Variants in TDRD1 observed in about 807,000 individuals in gnomAD.
The protein encoded by TDRD1 is tudor domain containing 1.
Under a neutral mutation model 140.6 loss-of-function variants are expected in TDRD1, and 37 were observed. The ratio of observed to expected loss-of-function variants is 0.26; its 90% CI spans 0.20 to 0.35. The LOEUF is 0.35. TDRD1 is among the 10% of genes least tolerant of loss of function. The pLI is 1.00. For missense variants in TDRD1, 1,243 were observed against 1,393.0 expected (o/e 0.89, Z 1.71); for synonymous variants, 506 against 475.7 (o/e 1.06, Z -0.83).
At position 114,197,661 on chromosome 10, in the gene TDRD1, C is replaced by CTT. The variant is rs58887319; in HGVS notation, c.385-1497_385-1496dup. ...CTGGGATATCTTGGGTATTATGAGA[C>CTT]TTTTTTTTTTTTTTTTGATTGAGTC... is the stretch of plus-strand genomic sequence containing the variant. On this transcript the variant is annotated intron_variant, in intron 3 of 25. Transcript: ENST00000251864. Among the ~76,000 whole-genome samples the CTT allele has an allele frequency of 5.2e-5, 7 of 134,188 alleles. No individual in the cohort carries two copies. The East Asian group carries it at 1.3e-3, about 25-fold the overall frequency. 88.0% of individuals were successfully genotyped at this position (134,188 alleles called of 152,430 possible).
intron 11 of TDRD1, among the ~76,000 whole-genome samples, chr10:114,210,257 C>T (rs187390437): frequency 1.3e-3 from 198 of 152,218 alleles, no homozygotes; most frequent in African/African-American, 4.6e-3. Flanking sequence ...TATAATGAGA[C>T]GATATCTATT....
chr10:114,217,573 G>A, exon 17 of TDRD1: 1 of 1,597,748 alleles, frequency 6.3e-7, no homozygotes. Context: ...ATTTGAACAA[G>A]TCATTAGCAG....
intron 16 of TDRD1, among the ~76,000 whole-genome samples, chr10:114,215,593 T>C (rs1177089041): frequency 1.3e-5 from 2 of 152,096 alleles, no homozygotes; most frequent in African/African-American, 4.8e-5. Flanking sequence ...CAAATATTGG[T>C]TTTTCTTTGT....
At chr10:114,217,288 T>C (rs1192489591) in intron 16 of TDRD1, among the ~76,000 whole-genome samples, 1 of 152,188 alleles carries the variant, frequency 6.6e-6, no homozygotes, top group East Asian at 1.9e-4. Flanking sequence ...CATGCTTTAG[T>C]GTACTGATAA....
exon 4 of TDRD1, chr10:114,199,217 C>T: frequency 1.2e-6 from 2 of 1,613,952 alleles, no homozygotes; most frequent in Non-Finnish European, 1.7e-6. Flanking sequence ...AAAAACTAAA[C>T]AAGTTGGTCG....
chr10:114,188,305 G>A (rs2033693845), intron 2 of TDRD1, 149 bp downstream of exon 2: 2 of 727,382 alleles, frequency 2.7e-6, no homozygotes, highest in Non-Finnish European at 2.1e-6. Context: ...AATTTAGAAG[G>A]AAAAACCAGA....
chr10:114,191,003 C>T, exon 3 of TDRD1: 1 of 1,613,752 alleles, frequency 6.2e-7, no homozygotes, highest in Non-Finnish European at 8.5e-7. Context: ...AATTCACCAC[C>T]CAAAGAAGTG....
Position 114,186,099 on chromosome 10 carries a change from G to A in TDRD1, c.-6-1727G>A, listed in dbSNP as rs199669654. On this transcript the variant is annotated intron_variant, in intron 1 of 25. Transcript: ENST00000251864. The stretch of plus-strand genomic sequence containing the variant: ...ATCTTACTTGATGTTTTCTGTACTT[G>A]AATTTTTTTTTCTGTTGAATTAAGA... Among the ~76,000 whole-genome samples the A allele has an allele frequency of 1.3e-3, 200 of 152,056 alleles. 1 individual carries two copies. The highest frequency in any genetic ancestry group is 2.1e-3 in the Non-Finnish European group (144 of 67,964).
At chr10:114,206,024 G>A (rs1367968154) in intron 10 of TDRD1, among the ~76,000 whole-genome samples, 1 of 152,114 alleles carries the variant, frequency 6.6e-6, no homozygotes, top group African/African-American at 2.4e-5. Flanking sequence ...TTGTATTTCA[G>A]AGAAAAAATT....
upstream of TDRD1, among the ~76,000 whole-genome samples, chr10:114,178,475 G>C (rs1041425660): frequency 6.6e-6 from 1 of 152,144 alleles, no homozygotes; most frequent in African/African-American, 2.4e-5. Context: ...AATCTTGTCC[G>C]TTAGGTACAG....
chr10:114,224,512 G>A (rs2036324036), intron 21 of TDRD1, among the ~76,000 whole-genome samples: 1 of 152,196 alleles, frequency 6.6e-6, no homozygotes, highest in Middle Eastern at 3.4e-3. Flanking sequence ...TTTGTTTTCT[G>A]TTCTGTTAGG....
At chr10:114,187,281 G>A (rs927593858) in intron 1 of TDRD1, among the ~76,000 whole-genome samples, 3 of 152,184 alleles carry the variant, frequency 2.0e-5, no homozygotes, top group African/African-American at 4.8e-5. Context: ...CAAAACAGGA[G>A]GGAAGAGGGG....
chr10:114,183,915 T>C (rs1389237338), intron 1 of TDRD1, among the ~76,000 whole-genome samples: 1 of 152,134 alleles, frequency 6.6e-6, no homozygotes, highest in African/African-American at 2.4e-5. Flanking sequence ...GTGCCTTTTT[T>C]GCTATTTTGA....
chr10:114,193,944 A>G (rs774029167), intron 3 of TDRD1, among the ~76,000 whole-genome samples: 8 of 152,286 alleles, frequency 5.3e-5, no homozygotes, highest in Non-Finnish European at 4.4e-5. Flanking sequence ...CTTTTTCTGC[A>G]TTGATTGATA....
chr10:114,197,044 G>A (rs1012595308), intron 3 of TDRD1, among the ~76,000 whole-genome samples: 28 of 151,356 alleles, frequency 1.8e-4, no homozygotes, highest in Admixed American at 8.6e-4. Flanking sequence ...ATGGGGTTTC[G>A]CCATGTTGGC....
intron 2 of TDRD1, among the ~76,000 whole-genome samples, chr10:114,189,041 T>C (rs2033766714): frequency 6.6e-6 from 1 of 152,234 alleles, no homozygotes; most frequent in South Asian, 2.1e-4. Flanking sequence ...TTCCTCACAG[T>C]ATTTGTCTTT....
chr10:114,222,761 A>G (rs1243525862), intron 21 of TDRD1, 58 bp downstream of exon 21: 8 of 993,998 alleles, frequency 8.0e-6, no homozygotes, highest in Non-Finnish European at 1.3e-5. Flanking sequence ...TTTGTTCTAC[A>G]TGATACTATG....
chr10:114,224,154 A>T (rs942525210), intron 21 of TDRD1, among the ~76,000 whole-genome samples: 2 of 152,216 alleles, frequency 1.3e-5, no homozygotes, highest in African/African-American at 2.4e-5. Context: ...CCCATGTTTG[A>T]AAAAGCCTTC....
chr10:114,225,793 G>A (rs1421348115), intron 21 of TDRD1, among the ~76,000 whole-genome samples: 1 of 151,430 alleles, frequency 6.6e-6, no homozygotes, highest in Non-Finnish European at 1.5e-5. Context: ...GGAGGTGGAG[G>A]TTGCAGCGAG....
Sources: allele counts gnomAD v4.1 joint callset (sites outside exome capture counted in the v4.1 genomes callset), GRCh38; gene constraint gnomAD v4.1.1; transcripts MANE v1.5; gene names NCBI Gene and HGNC (gene_info 2026-07-23, HGNC 2026-07-21).